The following FCHSD2 variants were observed in gnomAD, a reference collection of about 807,000 sequenced individuals.
FCHSD2 encodes F-BAR and double SH3 domains protein 2.
Under a neutral mutation model 108.1 loss-of-function variants are expected in FCHSD2, and 38 were observed. That is an observed-to-expected ratio of 0.35 (90% CI 0.27 to 0.46). The LOEUF is 0.46. Among genes scored for constraint, FCHSD2 ranks in the 20% least tolerant of loss-of-function variants. The pLI is 1.00. For missense variants in FCHSD2, 751 were observed against 897.8 expected (o/e 0.84, Z 2.09); for synonymous variants, 279 against 314.7 (o/e 0.89, Z 1.20).
intron 2 of FCHSD2, among the ~76,000 whole-genome samples, chr11:73,125,736 G>GA (rs1860840006): frequency 6.6e-6 from 1 of 151,688 alleles, no homozygotes; most frequent in Non-Finnish European, 1.5e-5. Flanking sequence ...ATCTTAGAAT[G>GA]ACCACTTTAA....
chr11:72,998,694 A>T (rs1364529614), intron 5 of FCHSD2, among the ~76,000 whole-genome samples: 1 of 152,230 alleles, frequency 6.6e-6, no homozygotes, highest in Non-Finnish European at 1.5e-5. Context: ...GTGGAGGAAA[A>T]AATTGATAAT....
At chr11:73,125,328 T>C (rs1304539774) in intron 2 of FCHSD2, among the ~76,000 whole-genome samples, 1 of 152,230 alleles carries the variant, frequency 6.6e-6, no homozygotes, top group Non-Finnish European at 1.5e-5. Flanking sequence ...AAGTCTGGGA[T>C]GGAATAACTG....
At chr11:73,068,839 GA>G (rs1275953939) in intron 3 of FCHSD2, among the ~76,000 whole-genome samples, 14 of 138,616 alleles carry the variant, frequency 1.0e-4, no homozygotes, top group South Asian at 2.4e-4. Context: ...AAAAGAAAAA[GA>G]AAAAAAAATT....
intron 8 of FCHSD2, among the ~76,000 whole-genome samples, chr11:72,946,698 A>G (rs936126415): frequency 6.6e-6 from 1 of 152,212 alleles, no homozygotes; most frequent in African/African-American, 2.4e-5. Context: ...ACAGAGTAAT[A>G]GCTACCATTT....
At chr11:73,049,840 A>G (rs1197182812) in intron 3 of FCHSD2, among the ~76,000 whole-genome samples, 1 of 151,954 alleles carries the variant, frequency 6.6e-6, no homozygotes, top group Non-Finnish European at 1.5e-5. Flanking sequence ...TGTGAAATCA[A>G]TATTATGGTT....
chr11:73,002,796 C>G (rs1412408718), intron 4 of FCHSD2, among the ~76,000 whole-genome samples: 1 of 152,102 alleles, frequency 6.6e-6, no homozygotes, highest in African/African-American at 2.4e-5. Flanking sequence ...ACCAAGCCAA[C>G]CCCCAAACTC....
intron 9 of FCHSD2, among the ~76,000 whole-genome samples, chr11:72,903,594 T>C (rs2135276434): frequency 6.6e-6 from 1 of 152,254 alleles, no homozygotes; most frequent in East Asian, 1.9e-4. Context: ...CTGAAAAGAA[T>C]TCATTGCATT....
chr11:73,108,153 T>C (rs889360044), intron 2 of FCHSD2, among the ~76,000 whole-genome samples: 2 of 152,252 alleles, frequency 1.3e-5, no homozygotes, highest in African/African-American at 2.4e-5. Flanking sequence ...TGCATTTCTC[T>C]GATGATCAAT....
chr11:72,861,846 G>T (rs1175927087), intron 13 of FCHSD2, among the ~76,000 whole-genome samples: 1 of 151,180 alleles, frequency 6.6e-6, no homozygotes, highest in African/African-American at 2.4e-5. Context: ...CAGAAGAATC[G>T]CTTGAACCTG....
chr11:73,125,085 G>A (rs1359908821), intron 2 of FCHSD2, among the ~76,000 whole-genome samples: 8 of 152,144 alleles, frequency 5.3e-5, no homozygotes. Flanking sequence ...TCAGACATAT[G>A]AAAGCTAAGA....
chr11:72,842,703 C>T lies in FCHSD2; in HGVS notation c.1844G>A (p.Arg615His), dbSNP rs147782509. 58 of 1,613,900 alleles carry T rather than the reference C, an allele frequency of 3.6e-5. No individual in the cohort carries two copies. The highest frequency in any genetic ancestry group is 4.5e-5 in the Non-Finnish European group (53 of 1,179,918). ...DGFWEGEFNGRIGVFPSVLVE... is the reference protein window; with the variant it reads ...DGFWEGEFNGHIGVFPSVLVE... The stretch of plus-strand genomic sequence containing the variant: ...TAGCACCGATGGGAAAACTCCAATA[C>T]GCCCATTGAATTCCCCTTCCCAGAA... The change falls in exon 17 of 20, where the codon CGT becomes CAT. Residue 615 changes from arginine (R) to histidine (H), a missense_variant. Physicochemically the swap from Arg to His is conservative, Grantham distance 29. Coordinates refer to ENST00000409418, the MANE Select transcript of FCHSD2 (RefSeq NM_014824.3).
At chr11:72,843,010 G>T in intron 16 of FCHSD2, 141 bp downstream of exon 16, 1 of 928,904 alleles carries the variant, frequency 1.1e-6, no homozygotes, top group Non-Finnish European at 1.6e-6. Context: ...TACTGTGCAG[G>T]ACAAACGTGA....
intron 8 of FCHSD2, among the ~76,000 whole-genome samples, chr11:72,941,757 T>C (rs1856423865): frequency 6.6e-6 from 1 of 152,166 alleles, no homozygotes; most frequent in South Asian, 2.1e-4. Flanking sequence ...TATATACTGA[T>C]ATAATCTTTT....
At chr11:73,132,790 A>G (rs1431882467) in intron 2 of FCHSD2, among the ~76,000 whole-genome samples, 2 of 141,674 alleles carry the variant, frequency 1.4e-5, no homozygotes, top group Non-Finnish European at 3.0e-5. Flanking sequence ...TGCCCCCTGC[A>G]CTCCAGTCTG....
At chr11:72,866,250 T>C (rs575335420) in intron 13 of FCHSD2, among the ~76,000 whole-genome samples, 77 of 124,498 alleles carry the variant, frequency 6.2e-4, no homozygotes, top group African/African-American at 2.0e-3. Flanking sequence ...AGCAACTCTG[T>C]TCTGTTTTTT....
intron 2 of FCHSD2, among the ~76,000 whole-genome samples, chr11:73,114,126 G>A (rs1160641497): frequency 6.6e-6 from 1 of 151,846 alleles, no homozygotes; most frequent in Admixed American, 6.6e-5. Context: ...CTGCAGCTAA[G>A]CTGGCACTCA....
intron 10 of FCHSD2, chr11:72,900,127 A>C (rs1261504572): frequency 1.8e-6 from 1 of 551,502 alleles, no homozygotes; most frequent in African/African-American, 1.9e-5. Context: ...AAGAGAAAAC[A>C]CAGCTGGTGC....
intron 3 of FCHSD2, among the ~76,000 whole-genome samples, chr11:73,081,259 C>G (rs1007326606): frequency 5.3e-5 from 8 of 151,956 alleles, no homozygotes; most frequent in African/African-American, 1.9e-4. Context: ...TATGGTGAAA[C>G]CCCAACTCTA....
At position 72,889,839 on chromosome 11, in the gene FCHSD2, T is replaced by C. The variant is rs140393712; in HGVS notation, c.1031A>G (p.His344Arg). Residue 344 changes from histidine (H) to arginine (R), a missense_variant, in exon 11 of 20, where the codon CAC becomes CGC. His to Arg is a conservative substitution (Grantham distance 29). Transcript: ENST00000409418. The stretch of plus-strand genomic sequence containing the variant: ...TTCTCTTACACTTACCCGTTGTTGG[T>C]GAACAATGTTTTTATGCTCACGTGC... The part of the protein sequence containing the change: ...RVAREHKNIV[H>R]QQRVLNDLEC... The C allele has an allele frequency of 3.6e-5, 57 of 1,602,698 alleles. No individual in the cohort carries two copies. In the African/African-American group the frequency reaches 7.1e-4, roughly 20 times the overall value.
Sources: allele counts gnomAD v4.1 joint callset (sites outside exome capture counted in the v4.1 genomes callset), GRCh38; gene constraint gnomAD v4.1.1; transcripts MANE v1.5; gene names NCBI Gene and HGNC (gene_info 2026-07-23, HGNC 2026-07-21).